The following PCDHA7 variants were observed in gnomAD, a reference collection of about 807,000 sequenced individuals.
The protein encoded by PCDHA7 is protocadherin alpha-7.
In PCDHA7, 37 loss-of-function variants were observed where a neutral mutation model predicts 57.2. That is an observed-to-expected ratio of 0.65 (90% confidence interval 0.50 to 0.85). The LOEUF is 0.85. Among genes scored for constraint, PCDHA7 ranks in the 40% least tolerant of loss-of-function variants. The pLI is 0.00. For synonymous variants in PCDHA7, 553 were observed against 558.8 expected (o/e 0.99, Z 0.15); for missense variants, 1,188 against 1,241.8 (o/e 0.96, Z 0.65).
At chr5:140,901,828 A>G (rs538492227) in intron 1 of PCDHA7, among the ~76,000 whole-genome samples, 1 of 152,318 alleles carries the variant, frequency 6.6e-6, no homozygotes, top group African/African-American at 2.4e-5. Flanking sequence ...CTTCCAGTCC[A>G]TAAACATGCA....
At chr5:140,937,927 A>AT (rs201742095) in intron 1 of PCDHA7, among the ~76,000 whole-genome samples, 1 of 149,222 alleles carries the variant, frequency 6.7e-6, no homozygotes, top group Non-Finnish European at 1.5e-5. Flanking sequence ...AAAAAAAAAA[A>AT]GTTTAATTTG....
intron 1 of PCDHA7, among the ~76,000 whole-genome samples, chr5:140,875,022 C>T (rs1267699693): frequency 6.6e-6 from 1 of 152,116 alleles, no homozygotes; most frequent in Non-Finnish European, 1.5e-5. Context: ...TAGGTTCTGG[C>T]CTACTGTATT....
rs368758287 is a variant in PCDHA7 at position 140,883,621 on chromosome 5, C to A, written c.2355+46883C>A. On this transcript the variant is annotated intron_variant, in intron 1 of 3. Transcript: ENST00000525929. ...TGGGGGTGGCCGACGTGAACGACAACGCGCCGGCGTTCGCGCAGCCCGAGT... is the reference window on the plus strand; with the variant it reads ...TGGGGGTGGCCGACGTGAACGACAAAGCGCCGGCGTTCGCGCAGCCCGAGT... 5 of 1,613,850 alleles carry A rather than the reference C, an allele frequency of 3.1e-6. No individual in the cohort carries two copies. In the African/African-American group the frequency reaches 4.0e-5, roughly 13 times the overall value.
chr5:140,841,059 A>G, intron 1 of PCDHA7: 1 of 449,736 alleles, frequency 2.2e-6, no homozygotes, highest in Non-Finnish European at 3.9e-6. Context: ...CTATTAAATT[A>G]TGATAAAGAA....
intron 1 of PCDHA7, chr5:140,850,656 C>T: frequency 6.3e-7 from 1 of 1,598,598 alleles, no homozygotes; most frequent in Non-Finnish European, 8.6e-7. Context: ...GTACACTGTG[C>T]TGCGGTGCTC....
intron 1 of PCDHA7, among the ~76,000 whole-genome samples, chr5:140,960,799 A>C (rs2095571237): frequency 6.6e-6 from 1 of 152,170 alleles, no homozygotes; most frequent in Non-Finnish European, 1.5e-5. Flanking sequence ...TTTCTATTAA[A>C]ATAAGAGGTC....
rs2150246092 is a variant in PCDHA7, at chr5:140,835,829, G to A, written c.1446G>A (p.Ala482=). 8 of 1,612,356 alleles carry A rather than the reference G, an allele frequency of 5.0e-6. No homozygotes were observed. The highest frequency in any genetic ancestry group is 1.3e-5 in the African/African-American group (1 of 74,880). ...TCTTCACTGTGTCGGCGGGGGACGCGGACGCGCAGAAGAACGCGCTGGTGT... is the reference window on the plus strand; with the variant it reads ...TCTTCACTGTGTCGGCGGGGGACGCAGACGCGCAGAAGAACGCGCTGGTGT... ...CHIFTVSAGD[A]DAQKNALVSY... The change falls in exon 1 of 4, where the codon GCG becomes GCA. Residue 482 remains alanine (A), a synonymous_variant. Transcript: ENST00000525929.
chr5:140,855,736 A>T (rs1422055740), intron 1 of PCDHA7: 3 of 305,736 alleles, frequency 9.8e-6, no homozygotes, highest in African/African-American at 6.5e-5. Context: ...CTATAAAGAG[A>T]CGTAATGTGA....
chr5:140,884,335 A>G, intron 1 of PCDHA7: 1 of 1,613,888 alleles, frequency 6.2e-7, no homozygotes, highest in Non-Finnish European at 8.5e-7. Flanking sequence ...CTGTGGGTCC[A>G]GAAGCGGCGC....
chr5:140,993,380 C>G (rs1304300325), intron 3 of PCDHA7, among the ~76,000 whole-genome samples: 1 of 151,860 alleles, frequency 6.6e-6, no homozygotes, highest in Non-Finnish European at 1.5e-5. Context: ...CCAGCCGGGT[C>G]CCTGAAACTC....
intron 1 of PCDHA7, among the ~76,000 whole-genome samples, chr5:140,973,010 T>C (rs2096567986): frequency 6.6e-6 from 1 of 152,080 alleles, no homozygotes; most frequent in Admixed American, 6.6e-5. Context: ...GGTCGTGGTG[T>C]TGTGATTGTT....
intron 1 of PCDHA7, chr5:140,870,974 G>A: frequency 1.2e-6 from 2 of 1,613,628 alleles, no homozygotes; most frequent in Middle Eastern, 1.7e-4. Flanking sequence ...TTCCGCGTGG[G>A]GCTGTACACG....
chr5:140,967,747 A>C, intron 1 of PCDHA7: 1 of 1,614,160 alleles, frequency 6.2e-7, no homozygotes, highest in Non-Finnish European at 8.5e-7. Context: ...ATTATGAGGA[A>C]GCCTCCTCCT....
intron 1 of PCDHA7, among the ~76,000 whole-genome samples, chr5:140,978,505 C>T (rs2096806553): frequency 6.6e-6 from 1 of 152,354 alleles, no homozygotes; most frequent in South Asian, 2.1e-4. Context: ...AGATTGCAGT[C>T]CTCTGCAGTC....
chr5:140,938,062 A>G (rs2091901426), intron 1 of PCDHA7, among the ~76,000 whole-genome samples: 1 of 152,176 alleles, frequency 6.6e-6, no homozygotes, highest in Non-Finnish European at 1.5e-5. Context: ...ATATACTGTC[A>G]TGCTATTCCC....
rs2150341542 is a variant in PCDHA7, at chr5:140,842,668, C to A, written c.2355+5930C>A. 1.2e-5 allele frequency: 19 copies of A among 1,595,382 alleles called. 1 individual carries two copies. Among genetic ancestry groups the A allele is most frequent in the East Asian group, 2.2e-5 (1 of 44,804 alleles). ...TGTCTGTGGAGGTGGCCGACGTGAACGACAATGCTCCGGCGTTCGCGCAGC... is the reference window on the plus strand; with the variant it reads ...TGTCTGTGGAGGTGGCCGACGTGAAAGACAATGCTCCGGCGTTCGCGCAGC... On this transcript the variant is annotated intron_variant, in intron 1 of 3. Transcript: ENST00000525929.
At chr5:140,843,169 C>T in intron 1 of PCDHA7, 1 of 1,596,092 alleles carries the variant, frequency 6.3e-7, no homozygotes, top group Non-Finnish European at 8.6e-7. Flanking sequence ...CAGCTGCAAG[C>T]AGCCCTCGCA....
chr5:140,993,397 T>C (rs2097553822), intron 3 of PCDHA7, among the ~76,000 whole-genome samples: 2 of 151,682 alleles, frequency 1.3e-5, no homozygotes, highest in Admixed American at 1.3e-4. Context: ...ACTCCATCAT[T>C]AACCACCTTC....
chr5:140,877,173 G>A (rs1292615979), intron 1 of PCDHA7: 3 of 1,613,710 alleles, frequency 1.9e-6, no homozygotes, highest in Non-Finnish European at 2.5e-6. Flanking sequence ...CACTGCTGGC[G>A]ACTCCGGCTG....
Sources: allele counts gnomAD v4.1 joint callset (sites outside exome capture counted in the v4.1 genomes callset), GRCh38; gene constraint gnomAD v4.1.1; transcripts MANE v1.5; gene names NCBI Gene and HGNC (gene_info 2026-07-23, HGNC 2026-07-21).